The following ZDHHC21 variants were observed in gnomAD, a reference collection of about 807,000 sequenced individuals.
The protein encoded by ZDHHC21 is zDHHC palmitoyltransferase 21, also known as palmitoyltransferase ZDHHC21.
Under a neutral mutation model 34.6 loss-of-function variants are expected in ZDHHC21, and 15 were observed. The ratio of observed to expected loss-of-function variants is 0.43; its 90% confidence interval spans 0.29 to 0.67. ZDHHC21 has a LOEUF of 0.67. ZDHHC21 is among the 30% of genes least tolerant of loss of function. The pLI is 0.14. For synonymous variants in ZDHHC21, 142 were observed against 101.8 expected, an observed-to-expected ratio of 1.40 and a Z score of -2.38; for missense variants, 344 against 327.7, an observed-to-expected ratio of 1.05 and a Z score of -0.38.
chr9:14,598,861 T>G, the ZDHHC21 span, among the ~76,000 whole-genome samples: 1 of 152,142 alleles, frequency 6.6e-6, no homozygotes, highest in East Asian at 1.9e-4. Context: ...GCACAGGTGA[T>G]TCTCCCACTC....
At position 14,612,692 on chromosome 9, in the gene ZDHHC21, GTCTC is replaced by G. The variant is rs749155465; in HGVS notation, c.*6270_*6273del. 4 of 151,144 alleles carry G rather than the reference GTCTC, an allele frequency of 2.6e-5. No individual in the cohort carries two copies. Among genetic ancestry groups the G allele is most frequent in the South Asian group, 2.1e-4 (1 of 4,782 alleles). The allele number at this position is 151,144 out of a possible 1,614,324, so 9.4% of individuals were successfully genotyped here. On this transcript the variant is annotated 3_prime_UTR_variant, in exon 10 of 10. Transcript: ENST00000380916. ...CTCTTGGGAAAGCATCTCTCTCTCT[GTCTC>G]TCTCTCTGTCTGTCTGTCTCTCCGT...
At position 14,672,813 on chromosome 9, in the gene ZDHHC21, A is replaced by C. The variant is rs773174880; in HGVS notation, c.253+17T>G. 6.4e-7 allele frequency: 1 copy of C among 1,559,034 alleles called. No individual in the cohort carries two copies. ...AATTCTGGCATCAGCAAAACTGATA[A>C]ATCCAGAGTACCATACCTCCATGTG... On this transcript the variant is annotated intron_variant, in intron 5 of 9. Transcript: ENST00000380916.
At chr9:14,675,761 T>C (rs1053481991) in intron 3 of ZDHHC21, among the ~76,000 whole-genome samples, 1 of 151,878 alleles carries the variant, frequency 6.6e-6, no homozygotes, top group African/African-American at 2.4e-5. Flanking sequence ...AACAAAATGT[T>C]AGTAGGGGCA....
intron 7 of ZDHHC21, among the ~76,000 whole-genome samples, chr9:14,643,252 A>AT (rs1829700292): frequency 6.6e-6 from 1 of 152,042 alleles, no homozygotes; most frequent in African/African-American, 2.4e-5. Flanking sequence ...TGTCTCAAAA[A>AT]AATATATATA....
intron 3 of ZDHHC21, among the ~76,000 whole-genome samples, chr9:14,678,274 A>C (rs1207568133): frequency 1.3e-5 from 2 of 152,104 alleles, no homozygotes; most frequent in African/African-American, 2.4e-5. Context: ...AATGAAGACC[A>C]ATCAACCATG....
chr9:14,672,869 G>A lies in ZDHHC21; in HGVS notation c.214C>T (p.Pro72Ser). 1 of 1,608,804 alleles carries A rather than the reference G, an allele frequency of 6.2e-7. No individual in the cohort carries two copies. The highest frequency in any genetic ancestry group is 8.5e-7 in the Non-Finnish European group (1 of 1,176,626). The change falls in exon 5 of 10, where the codon CCA (proline) becomes TCA (serine). Residue 72 changes from proline (P) to serine (S), a missense_variant. Physicochemically the swap from Pro to Ser is moderately conservative, Grantham distance 74. Transcript: ENST00000380916. ...TTGGGGTTCTCAGGGAGTCTTCCTGGATCAGTTATGGAGGCCCTCACTAAG... is the reference window on the plus strand; with the variant it reads ...TTGGGGTTCTCAGGGAGTCTTCCTGAATCAGTTATGGAGGCCCTCACTAAG... ...VALVRASITDPGRLPENPKIP... is the reference protein window; with the variant it reads ...VALVRASITDSGRLPENPKIP...
chr9:14,624,844 T>C (rs1825933669), intron 8 of ZDHHC21, among the ~76,000 whole-genome samples: 1 of 152,100 alleles, frequency 6.6e-6, no homozygotes, highest in Non-Finnish European at 1.5e-5. Context: ...AGGTGATGGA[T>C]AAGTTAATTA....
At chr9:14,595,866 T>C in the ZDHHC21 span, among the ~76,000 whole-genome samples, 4 of 152,162 alleles carry the variant, frequency 2.6e-5, no homozygotes, top group African/African-American at 9.7e-5. Flanking sequence ...CAGGCAAATG[T>C]AAATTAAAAT....
chr9:14,658,665 G>A, intron 7 of ZDHHC21, 84 bp downstream of exon 7: 4 of 1,129,192 alleles, frequency 3.5e-6, no homozygotes, highest in South Asian at 2.8e-5. Flanking sequence ...TAGAGACGGG[G>A]TTTCACCGTG....
downstream of ZDHHC21, among the ~76,000 whole-genome samples, chr9:14,610,036 A>G (rs1356143334): frequency 7.0e-6 from 1 of 142,324 alleles, no homozygotes; most frequent in African/African-American, 2.5e-5. Flanking sequence ...TCTCTAAACA[A>G]AAATGTTATT....
chr9:14,667,247 T>C (rs1302087686), intron 5 of ZDHHC21, among the ~76,000 whole-genome samples: 4 of 148,260 alleles, frequency 2.7e-5, no homozygotes, highest in Non-Finnish European at 6.0e-5. Flanking sequence ...CTAGAAAATC[T>C]AGAAGAAATG....
intron 7 of ZDHHC21, among the ~76,000 whole-genome samples, chr9:14,644,538 C>T (rs780951393): frequency 6.6e-6 from 1 of 151,574 alleles, no homozygotes; most frequent in African/African-American, 2.4e-5. Context: ...GAAGAAAGAC[C>T]ATTTATCTGA....
intron 7 of ZDHHC21, among the ~76,000 whole-genome samples, chr9:14,656,316 A>G (rs1020129025): frequency 2.0e-5 from 3 of 151,954 alleles, no homozygotes; most frequent in Non-Finnish European, 4.4e-5. Context: ...GTAGGTTAGA[A>G]CAGTGCTAAT....
chr9:14,650,071 A>G (rs545619936), intron 7 of ZDHHC21, among the ~76,000 whole-genome samples: 1 of 152,164 alleles, frequency 6.6e-6, no homozygotes, highest in East Asian at 1.9e-4. Flanking sequence ...AACATGTTTA[A>G]TGAGGACATA....
rs181989474 is a variant in ZDHHC21 at position 14,648,064 on chromosome 9, C to T, written c.505-8052G>A. On this transcript the variant is annotated intron_variant, in intron 7 of 9. Transcript: ENST00000380916. The stretch of plus-strand genomic sequence containing the variant: ...TATTCTTCCGTCAGGCTCCCCCTCT[C>T]GGTAACTGGTATCTCCATTCTTCCA... Among the ~76,000 whole-genome samples, 4 of 152,120 alleles carry T rather than the reference C, an allele frequency of 2.6e-5. No individual in the cohort carries two copies. In the South Asian group the frequency reaches 6.2e-4, roughly 24 times the overall value.
intron 2 of ZDHHC21, chr9:14,683,514 T>A (rs1380755921): frequency 2.0e-5 from 3 of 152,070 alleles, no homozygotes; most frequent in Admixed American, 6.5e-5. Flanking sequence ...AAGTGGAATC[T>A]CTGAATAGAC....
At chr9:14,634,635 T>G (rs1187994078) in intron 8 of ZDHHC21, among the ~76,000 whole-genome samples, 1 of 152,134 alleles carries the variant, frequency 6.6e-6, no homozygotes, top group African/African-American at 2.4e-5. Context: ...ATACTGCACA[T>G]TCCCAGAATC....
intron 3 of ZDHHC21, among the ~76,000 whole-genome samples, chr9:14,679,042 A>T (rs1211011332): frequency 6.6e-6 from 1 of 152,130 alleles, no homozygotes; most frequent in African/African-American, 2.4e-5. Context: ...GGTGCTAACA[A>T]GCATGTTTCT....
At chr9:14,619,771 CA>C in intron 8 of ZDHHC21, 89 bp from the exon 9 acceptor site, 1 of 733,658 alleles carries the variant, frequency 1.4e-6, no homozygotes, top group Non-Finnish European at 2.0e-6. Context: ...AATCTTATTC[CA>C]AAAATATTCT....
Sources: gnomAD v4.1 joint callset for allele counts (sites outside exome capture counted in the v4.1 genomes callset) on GRCh38, gnomAD v4.1.1 for gene constraint, MANE v1.5 for transcripts, NCBI Gene and HGNC (gene_info 2026-07-23, HGNC 2026-07-21) for gene names.